Variants in VAMP3 observed in about 807,000 individuals in gnomAD.
The protein encoded by VAMP3 is vesicle associated membrane protein 3.
In VAMP3, 11 loss-of-function variants were observed where a neutral mutation model predicts 18.1. The observed-to-expected ratio is 0.61, with a 90% confidence interval of 0.38 to 1.00. VAMP3 has a LOEUF of 1.00. VAMP3 is among the 50% of genes least tolerant of loss of function. The pLI, the probability that VAMP3 is intolerant of heterozygous loss-of-function variation, is 0.01. For synonymous variants in VAMP3, 49 were observed against 43.1 expected (o/e 1.14, Z -0.53); for missense variants, 122 against 127.3 (o/e 0.96, Z 0.20).
rs2097052530 is a variant in VAMP3 at position 7,773,564 on chromosome 1, G to T, written c.72+53G>T. ...AATTTTAAACAAATATGAGTACTCT[G>T]GAAATCTGTTTAGAAAAAGTATCAT... is the stretch of plus-strand genomic sequence containing the variant. On this transcript the variant is annotated intron_variant, in intron 2 of 4. Coordinates refer to ENST00000054666, the MANE Select transcript of VAMP3 (RefSeq NM_004781.4). 2.7e-6 allele frequency: 4 copies of T among 1,495,770 alleles called. No homozygotes were observed. The South Asian group carries it at 4.6e-5, about 17-fold the overall frequency. 92.7% of individuals were successfully genotyped at this position (1,495,770 alleles called of 1,614,324 possible).
At chr1:7,776,007 A>C (rs1266678040) in intron 2 of VAMP3, among the ~76,000 whole-genome samples, 1 of 152,222 alleles carries the variant, frequency 6.6e-6, no homozygotes, top group African/African-American at 2.4e-5. Context: ...CTAGACTCTC[A>C]GTTCTATTCC....
rs527857752 is a variant in VAMP3, at chr1:7,780,565, A to T, written c.*920A>T. ...TTGAGGTAGACTCTGACCGTCTCAT[A>T]AAAGAGTTCTACCCAGCAGTTGGCA... is the stretch of plus-strand genomic sequence containing the variant. On this transcript the variant is annotated 3_prime_UTR_variant, in exon 5 of 5. Coordinates refer to ENST00000054666, the MANE Select transcript of VAMP3 (RefSeq NM_004781.4). 1 of 152,502 alleles carries T rather than the reference A, an allele frequency of 6.6e-6. No homozygotes were observed. Among genetic ancestry groups the T allele is most frequent in the African/African-American group, 2.4e-5 (1 of 41,574 alleles). 9.4% of individuals were successfully genotyped at this position (152,502 alleles called of 1,614,324 possible).
chr1:7,772,233 T>A (rs2097051488), intron 1 of VAMP3, among the ~76,000 whole-genome samples: 1 of 152,200 alleles, frequency 6.6e-6, no homozygotes. Context: ...AGGAAAAGCA[T>A]GGAAAGAGTC....
At chr1:7,778,550 G>A (rs2150366704) in intron 4 of VAMP3, among the ~76,000 whole-genome samples, 1 of 151,788 alleles carries the variant, frequency 6.6e-6, no homozygotes, top group East Asian at 1.9e-4. Flanking sequence ...AAAAAAGAAA[G>A]GTTCATTTAT....
At position 7,777,971 on chromosome 1, in the gene VAMP3, A is replaced by G. The variant is rs2097055128; in HGVS notation, c.232-147A>G. 5 of 822,130 alleles carry G rather than the reference A, an allele frequency of 6.1e-6. No individual in the cohort carries two copies. In the Middle Eastern group the frequency reaches 1.0e-3, roughly 170 times the overall value. The allele number at this position is 822,130 out of a possible 1,614,324, so 50.9% of individuals were successfully genotyped here. On this transcript the variant is annotated intron_variant, in intron 3 of 4. Coordinates refer to ENST00000054666, the MANE Select transcript of VAMP3 (RefSeq NM_004781.4). Reference sequence around the variant, plus strand: ...CTTCAGGCCCTAATTGAGAACATTTAATTTAGGCTTTAGAAATTATTAATT... The same window carrying G: ...CTTCAGGCCCTAATTGAGAACATTTGATTTAGGCTTTAGAAATTATTAATT...
rs551828933 is a variant in VAMP3, at chr1:7,778,260, T to A, written c.283+91T>A. On this transcript the variant is annotated intron_variant, in intron 4 of 4. Transcript: ENST00000054666. ...GTGTACAAGAACTCAGATTAAAATT[T>A]CCCTCCGAAATGTTAGTTTTGGCTA... 2,522 of 1,525,470 alleles carry A rather than the reference T, an allele frequency of 1.7e-3. 7 individuals are homozygous for A. The highest frequency in any genetic ancestry group is 2.1e-3 in the Non-Finnish European group (2,313 of 1,101,366). 94.5% of individuals were successfully genotyped at this position (1,525,470 alleles called of 1,614,324 possible).
At chr1:7,779,194 C>G (rs1433571436) in intron 4 of VAMP3, among the ~76,000 whole-genome samples, 3 of 151,366 alleles carry the variant, frequency 2.0e-5, no homozygotes, top group Non-Finnish European at 2.9e-5. Context: ...GTCTCCGTCT[C>G]AAAAAAATAA....
chr1:7,779,633 T>C lies in VAMP3; in HGVS notation c.291T>C (p.Val97=), dbSNP rs1183202823. 3 of 1,614,072 alleles carry C rather than the reference T, an allele frequency of 1.9e-6. No individual in the cohort carries two copies. Among genetic ancestry groups the C allele is most frequent in the African/African-American group, 2.7e-5 (2 of 74,932 alleles). ...ATCTCTCCTCCTTCTTAGTGTGGGT[T>C]GTCTCTTCATGAAGAACCAGCGGAA... ...VIFIIIIIVW[V]VSS The change falls in exon 5 of 5, where the codon GTT becomes GTC. Residue 97 remains valine (V), a synonymous_variant. Transcript: ENST00000054666.
Position 7,778,063 on chromosome 1 carries a change from A to G in VAMP3, c.232-55A>G. Reference sequence around the variant, plus strand: ...GATGAATATTATATAATACTCTTCAACAAGCACATTATGTCTGCATTTGAA... The same window carrying G: ...GATGAATATTATATAATACTCTTCAGCAAGCACATTATGTCTGCATTTGAA... On this transcript the variant is annotated intron_variant, in intron 3 of 4. Transcript: ENST00000054666. 1.9e-6 allele frequency: 3 copies of G among 1,584,546 alleles called. No individual in the cohort carries two copies. The Admixed American group carries it at 5.0e-5, about 26-fold the overall frequency.
intron 4 of VAMP3, 25 bp from the exon 5 acceptor site, chr1:7,779,601 T>G (rs1249326484): frequency 1.9e-6 from 3 of 1,614,094 alleles, no homozygotes; most frequent in Non-Finnish European, 2.5e-6. Context: ...TTCCCCTGCC[T>G]TTTTGCATCT....
In VAMP3 at chr1:7,771,318, C is replaced by G. The variant is rs898273948; in HGVS notation, c.-66C>G. ...GCCGTCCCACCCATCTCCCTGGCCT[C>G]CGGTCCCAACTTCGCTTCTCTGCTG... On this transcript the variant is annotated 5_prime_UTR_variant, in exon 1 of 5. Coordinates refer to ENST00000054666, the MANE Select transcript of VAMP3 (RefSeq NM_004781.4). 6.3e-7 allele frequency: 1 copy of G among 1,586,024 alleles called. No individual in the cohort carries two copies. Among genetic ancestry groups the G allele is most frequent in the Non-Finnish European group, 8.6e-7 (1 of 1,169,034 alleles).
intron 2 of VAMP3, among the ~76,000 whole-genome samples, chr1:7,775,015 C>T (rs936656085): frequency 6.6e-6 from 1 of 152,200 alleles, no homozygotes; most frequent in Admixed American, 6.5e-5. Context: ...TTTATTTTCC[C>T]ACCAGCAATG....
chr1:7,779,542 C>T, intron 4 of VAMP3, 84 bp from the exon 5 acceptor site: 2 of 1,580,738 alleles, frequency 1.3e-6, no homozygotes, highest in Non-Finnish European at 8.7e-7. Flanking sequence ...ATTTAGACTG[C>T]AGCATTGGAT....
In VAMP3 at chr1:7,780,620, C is replaced by T. The variant is rs2097056635; in HGVS notation, c.*975C>T. The T allele has an allele frequency of 6.6e-6, 1 of 152,358 alleles. No individual in the cohort carries two copies. Among genetic ancestry groups the T allele is most frequent in the Non-Finnish European group, 1.5e-5 (1 of 68,038 alleles). The allele number at this position is 152,358 out of a possible 1,614,324, so 9.4% of individuals were successfully genotyped here. A position where few individuals can be genotyped will look rare whatever the true frequency, so the allele number is the denominator to read the frequency against. ...ATCAGCTGTGGACTCCAGCATGTTTCTGATAATTATGCAAGCAACAATTCT... is the reference window on the plus strand; with the variant it reads ...ATCAGCTGTGGACTCCAGCATGTTTTTGATAATTATGCAAGCAACAATTCT... On this transcript the variant is annotated 3_prime_UTR_variant, in exon 5 of 5. Transcript: ENST00000054666.
Position 7,779,883 on chromosome 1 carries a change from GCCTTC to G in VAMP3, c.*239_*243del, listed in dbSNP as rs2097056244. On this transcript the variant is annotated 3_prime_UTR_variant, in exon 5 of 5. Transcript: ENST00000054666. ...GATTTACGTATGGGCTGATGAAGAGGCCTTCTTAAGTTCCAGAGTGCTATAATCTA... is the reference window on the plus strand; with the variant it reads ...GATTTACGTATGGGCTGATGAAGAGGTTAAGTTCCAGAGTGCTATAATCTA... 1.9e-6 allele frequency: 1 copy of G among 530,392 alleles called. No homozygotes were observed. Among genetic ancestry groups the G allele is most frequent in the Non-Finnish European group, 3.3e-6 (1 of 301,068 alleles). 32.9% of individuals were successfully genotyped at this position (530,392 alleles called of 1,614,324 possible). A position where few individuals can be genotyped will look rare whatever the true frequency, so the allele number is the denominator to read the frequency against.
In VAMP3 at chr1:7,780,470, C is replaced by T. The variant is rs1293381657; in HGVS notation, c.*825C>T. 6.5e-6 allele frequency: 1 copy of T among 152,712 alleles called. No individual in the cohort carries two copies. Among genetic ancestry groups the T allele is most frequent in the Non-Finnish European group, 1.5e-5 (1 of 68,036 alleles). The allele number at this position is 152,712 out of a possible 1,614,324, so 9.5% of individuals were successfully genotyped here. On this transcript the variant is annotated 3_prime_UTR_variant, in exon 5 of 5. Coordinates refer to ENST00000054666, the MANE Select transcript of VAMP3 (RefSeq NM_004781.4). ...TTCTACATCTTCATAGGCCTTTCTT[C>T]CTTTTGAAAGGCTGTAGACAGTGTG...
rs2097056216 is a variant in VAMP3, at chr1:7,779,821, G to A, written c.*176G>A. The A allele has an allele frequency of 2.6e-6, 2 of 755,900 alleles. No homozygotes were observed. The highest frequency in any genetic ancestry group is 5.4e-5 in the Admixed American group (2 of 36,742). 46.8% of individuals were successfully genotyped at this position (755,900 alleles called of 1,614,324 possible). On this transcript the variant is annotated 3_prime_UTR_variant, in exon 5 of 5. Coordinates refer to ENST00000054666, the MANE Select transcript of VAMP3 (RefSeq NM_004781.4). ...TTTTAATATGCACTCCAAATTAGAA[G>A]GCCGGCCCCGTCCACATTTTGCACA...
At chr1:7,777,703 T>G (rs969168063) in intron 3 of VAMP3, among the ~76,000 whole-genome samples, 1 of 152,216 alleles carries the variant, frequency 6.6e-6, no homozygotes, top group Admixed American at 6.5e-5. Flanking sequence ...AAAGCCACAG[T>G]GTGCCCAACA....
chr1:7,778,029 C>G (rs750710615), intron 3 of VAMP3, 89 bp from the exon 4 acceptor site: 1 of 1,417,974 alleles, frequency 7.1e-7, no homozygotes, highest in Non-Finnish European at 9.9e-7. Context: ...ATTTCCCTTT[C>G]AGTGACTAGA....
Sources: gnomAD v4.1 joint callset for allele counts (sites outside exome capture counted in the v4.1 genomes callset) on GRCh38, gnomAD v4.1.1 for gene constraint, MANE v1.5 for transcripts, NCBI Gene and HGNC (gene_info 2026-07-23, HGNC 2026-07-21) for gene names.